ITPRID2: variants seen among roughly 807,000 people sequenced by gnomAD.
The protein encoded by ITPRID2 is ITPR interacting domain containing 2.
In ITPRID2, 60 loss-of-function variants were observed where a neutral mutation model predicts 124.3. The ratio of observed to expected loss-of-function variants is 0.48; its 90% CI spans 0.39 to 0.60. The LOEUF is 0.60. Among genes scored for constraint, ITPRID2 ranks in the 20% least tolerant of loss-of-function variants. The pLI is 0.00. For synonymous variants in ITPRID2, 521 were observed against 542.9 expected, an observed-to-expected ratio of 0.96 and a Z score of 0.56; for missense variants, 1,553 against 1,512.2, an observed-to-expected ratio of 1.03 and a Z score of -0.45.
chr2:181,919,245 G>A lies in ITPRID2; in HGVS notation c.2994-51G>A, dbSNP rs1168339214. The A allele has an allele frequency of 6.2e-7, 1 of 1,600,238 alleles. No homozygotes were observed. Among genetic ancestry groups the A allele is most frequent in the South Asian group, 1.1e-5 (1 of 90,216 alleles). ...TAGTTGTTGAAAGATTTGTGATTAG[G>A]AATCTCCAAACTGCATTTTTCCAAT... is the stretch of plus-strand genomic sequence containing the variant. On this transcript the variant is annotated intron_variant, in intron 13 of 17. Transcript: ENST00000431877. This position sits in a 1 kb window ranked among gnomAD's most constrained non-coding sequence, Gnocchi z 4.2.
At chr2:181,911,143 A>T (rs542264622) in intron 9 of ITPRID2, among the ~76,000 whole-genome samples, 28 of 152,350 alleles carry the variant, frequency 1.8e-4, no homozygotes, top group African/African-American at 6.7e-4. Context: ...TTTATAAAGT[A>T]ACAGTAAAAT....
In ITPRID2 at chr2:181,892,896, G is replaced by C; in HGVS notation, c.257+236G>C. 1 of 585,812 alleles carries C rather than the reference G, an allele frequency of 1.7e-6. No homozygotes were observed. Among genetic ancestry groups the C allele is most frequent in the Admixed American group, 3.0e-5 (1 of 33,842 alleles). The allele number at this position is 585,812 out of a possible 1,614,324, so 36.3% of individuals were successfully genotyped here. On this transcript the variant is annotated intron_variant, in intron 2 of 17. Coordinates refer to ENST00000431877, the MANE Select transcript of ITPRID2 (RefSeq NM_001130445.3). The surrounding 1 kb of genome is among the most constrained non-coding windows in gnomAD (Gnocchi z 5.2). ...TTAGGACTTGAGCTACTCACGCATC[G>C]TGTTAGCATCAGAGATCAGAAATCC...
intron 9 of ITPRID2, among the ~76,000 whole-genome samples, chr2:181,911,018 G>A (rs1236123803): frequency 3.3e-5 from 5 of 152,144 alleles, no homozygotes; most frequent in Non-Finnish European, 4.4e-5. Flanking sequence ...TTAAAAGGAG[G>A]ATAAGAAAAC....
At chr2:181,903,512 G>C (rs565707618) in intron 8 of ITPRID2, among the ~76,000 whole-genome samples, 2 of 151,780 alleles carry the variant, frequency 1.3e-5, no homozygotes, top group East Asian at 3.9e-4. Flanking sequence ...TCTCTCTCTT[G>C]CTCCCTCCCT....
chr2:181,899,662 G>A (rs1369892557), intron 6 of ITPRID2, among the ~76,000 whole-genome samples: 1 of 152,094 alleles, frequency 6.6e-6, no homozygotes, highest in Admixed American at 6.5e-5. Flanking sequence ...ATGGGGAAAC[G>A]GCGAAACCCT....
Position 181,919,528 on chromosome 2 carries a change from TTCAAG to T in ITPRID2, c.3144+86_3144+90del. ...AATAATTTAGGACGTGTGCCTTCAT[TTCAAG>T]TCATTTATTTTAATGGTATTAAAAG... On this transcript the variant is annotated intron_variant, in intron 14 of 17. Coordinates refer to ENST00000431877, the MANE Select transcript of ITPRID2 (RefSeq NM_001130445.3). The surrounding 1 kb of genome is among the most constrained non-coding windows in gnomAD (Gnocchi z 4.2). The T allele has an allele frequency of 7.1e-7, 1 of 1,410,546 alleles. No individual in the cohort carries two copies. Among genetic ancestry groups the T allele is most frequent in the Non-Finnish European group, 9.3e-7 (1 of 1,069,740 alleles). The allele number at this position is 1,410,546 out of a possible 1,614,324, so 87.4% of individuals were successfully genotyped here. A position where few individuals can be genotyped will look rare whatever the true frequency, so the allele number is the denominator to read the frequency against.
chr2:181,908,387 T>C (rs895289088), intron 8 of ITPRID2, among the ~76,000 whole-genome samples: 12 of 152,232 alleles, frequency 7.9e-5, no homozygotes, highest in South Asian at 2.1e-4. Context: ...CTGGTTGATA[T>C]TTACTTTACA....
intron 8 of ITPRID2, among the ~76,000 whole-genome samples, chr2:181,904,303 A>G (rs1692921211): frequency 6.6e-6 from 1 of 152,186 alleles, no homozygotes; most frequent in South Asian, 2.1e-4. Context: ...ACAAGATTAC[A>G]TGCATTGGTG....
intron 11 of ITPRID2, 115 bp downstream of exon 11, chr2:181,916,542 A>G: frequency 7.7e-7 from 1 of 1,290,676 alleles, no homozygotes; most frequent in South Asian, 1.5e-5. Context: ...TTATTTTCTG[A>G]CATGTCTAAA....
chr2:181,919,422 A>G lies in ITPRID2; in HGVS notation c.3120A>G (p.Ser1040=). 1 of 1,606,838 alleles carries G rather than the reference A, an allele frequency of 6.2e-7. No homozygotes were observed. The highest frequency in any genetic ancestry group is 8.5e-7 in the Non-Finnish European group (1 of 1,176,702). Residue 1040 remains serine, a synonymous_variant, in exon 14 of 18, where the codon TCA becomes TCG. Transcript: ENST00000431877. This position sits in a 1 kb window ranked among gnomAD's most constrained non-coding sequence, Gnocchi z 4.2. ...AGCTTCGTGCTGTGCGCATGCCTTC[A>G]CCCTTCCGCTCCTCCGCACTCATGG... ...EEQLRAVRMP[S]PFRSSALMGM...
intron 15 of ITPRID2, 134 bp from the exon 16 acceptor site, chr2:181,921,814 T>C: frequency 1.2e-6 from 1 of 811,032 alleles, no homozygotes; most frequent in Non-Finnish European, 1.9e-6. Context: ...TGAGTAGTTA[T>C]TAAATTAATG....
chr2:181,909,302 T>C, intron 8 of ITPRID2, among the ~76,000 whole-genome samples: 1 of 152,096 alleles, frequency 6.6e-6, no homozygotes, highest in East Asian at 1.9e-4. Flanking sequence ...ACCTGAAAGT[T>C]TGGGGGAGTT....
At position 181,906,704 on chromosome 2, in the gene ITPRID2, ACTCCAGCCTGGG is replaced by A. The variant is rs1411601293; in HGVS notation, c.1414-3193_1414-3182del. Among the ~76,000 whole-genome samples, 4 of 152,054 alleles carry A rather than the reference ACTCCAGCCTGGG, an allele frequency of 2.6e-5. No homozygotes were observed. The East Asian group carries it at 7.7e-4, about 29-fold the overall frequency. On this transcript the variant is annotated intron_variant, in intron 8 of 17. Transcript: ENST00000431877. ...CAGTGAGCCATGATTCCACCACTGC[ACTCCAGCCTGGG>A]CAACAGAACGAGACCTTGTTTCAAA...
chr2:181,924,656 G>A lies in ITPRID2; in HGVS notation c.3675+2244G>A, dbSNP rs114396481. 1.0e-2 allele frequency among the ~76,000 whole-genome samples: 1,515 copies of A among 152,206 alleles called. 11 individuals are homozygous for A. Among genetic ancestry groups the A allele is most frequent in the Middle Eastern group, 0.02 (6 of 294 alleles). ...TATCTGTCAGGCCTTTGTTTCTTTC[G>A]TTGTACCATTAAGTGAGGTTTTTAA... On this transcript the variant is annotated intron_variant, in intron 16 of 17. Coordinates refer to ENST00000431877, the MANE Select transcript of ITPRID2 (RefSeq NM_001130445.3).
intron 8 of ITPRID2, among the ~76,000 whole-genome samples, chr2:181,909,398 G>C (rs151199989): frequency 2.6e-5 from 4 of 152,300 alleles, no homozygotes; most frequent in African/African-American, 7.2e-5. Flanking sequence ...GTCATAATGT[G>C]CTGTAGTGAG....
chr2:181,902,380 C>G lies in ITPRID2; in HGVS notation c.1327C>G (p.Pro443Ala). 1 of 1,613,730 alleles carries G rather than the reference C, an allele frequency of 6.2e-7. No homozygotes were observed. Among genetic ancestry groups the G allele is most frequent in the Non-Finnish European group, 8.5e-7 (1 of 1,179,854 alleles). Residue 443 changes from proline (P) to alanine (A), a missense_variant, in exon 8 of 18, where the codon CCT becomes GCT. By Grantham distance (27) the Pro-to-Ala change is conservative (BLOSUM62 -1). Coordinates refer to ENST00000431877, the MANE Select transcript of ITPRID2 (RefSeq NM_001130445.3). The surrounding 1 kb of genome is among the most constrained non-coding windows in gnomAD (Gnocchi z 4.4). ...GCTGAAAAGTGTCCATATATCCACACCTGAAAAAGAGCCTTGTGCACCACT... is the reference window on the plus strand; with the variant it reads ...GCTGAAAAGTGTCCATATATCCACAGCTGAAAAAGAGCCTTGTGCACCACT... Reference protein sequence around the residue: ...SELKSVHISTPEKEPCAPLTI... With the variant: ...SELKSVHISTAEKEPCAPLTI...
In ITPRID2 at chr2:181,896,912, G is replaced by C; in HGVS notation, c.312G>C (p.Val104=). 6.2e-7 allele frequency: 1 copy of C among 1,612,554 alleles called. No individual in the cohort carries two copies. Among genetic ancestry groups the C allele is most frequent in the Non-Finnish European group, 8.5e-7 (1 of 1,178,786 alleles). The part of the protein sequence containing the change: ...DEQSSSTLKG[V]LVRNGGSFED... The stretch of plus-strand genomic sequence containing the variant: ...GTTTTCAAATGTGTCTTTCAGGTGT[G>C]CTTGTGAGAAATGGAGGAAGTTTTG... Residue 104 remains valine, a synonymous_variant, in exon 4 of 18, where the codon GTG becomes GTC. Coordinates refer to ENST00000431877, the MANE Select transcript of ITPRID2 (RefSeq NM_001130445.3). This position sits in a 1 kb window ranked among gnomAD's most constrained non-coding sequence, Gnocchi z 4.3.
At position 181,896,995 on chromosome 2, in the gene ITPRID2, T is replaced by C. The variant is rs1692255675; in HGVS notation, c.364+31T>C. The stretch of plus-strand genomic sequence containing the variant: ...TTTGTTTGGAAGAACTGTATTTTTG[T>C]GTAGTTTTCAAATTTAAAAAAAATG... On this transcript the variant is annotated intron_variant, in intron 4 of 17. Transcript: ENST00000431877. The surrounding 1 kb of genome is among the most constrained non-coding windows in gnomAD (Gnocchi z 4.3). 9 of 1,592,640 alleles carry C rather than the reference T, an allele frequency of 5.7e-6. No individual in the cohort carries two copies. Among genetic ancestry groups the C allele is most frequent in the Non-Finnish European group, 6.0e-6 (7 of 1,162,406 alleles).
intron 8 of ITPRID2, among the ~76,000 whole-genome samples, chr2:181,906,678 GCAGTGAGC>G (rs1481532346): frequency 1.3e-5 from 2 of 152,048 alleles, no homozygotes; most frequent in African/African-American, 4.8e-5. Flanking sequence ...AGTTGAGGCT[GCAGTGAGC>G]CATGATTCCA....
Sources: allele counts gnomAD v4.1 joint callset (sites outside exome capture counted in the v4.1 genomes callset), GRCh38; gene constraint gnomAD v4.1.1; non-coding constraint Gnocchi (gnomAD v3.1); transcripts MANE v1.5; gene names NCBI Gene and HGNC (gene_info 2026-07-23, HGNC 2026-07-21).